The following NXPE2 variants were observed in gnomAD, a reference collection of about 807,000 sequenced individuals.
NXPE2 encodes NXPE family member 2.
A neutral mutation model predicts 34.4 loss-of-function variants in NXPE2; 34 were observed. The ratio of observed to expected loss-of-function variants is 0.99; its 90% CI spans 0.75 to 1.31. The LOEUF is 1.31. Ranked by LOEUF, NXPE2 falls within the 40% of genes most tolerant of loss-of-function variation. The pLI, the probability that NXPE2 is intolerant of heterozygous loss-of-function variation, is 0.00. For missense variants in NXPE2, 649 were observed against 672.5 expected (o/e 0.97, Z 0.39); for synonymous variants, 235 against 231.3 (o/e 1.02, Z -0.15).
chr11:114,718,323 C>T, the NXPE2 span, among the ~76,000 whole-genome samples: 1 of 152,098 alleles, frequency 6.6e-6, no homozygotes, highest in Non-Finnish European at 1.5e-5. Flanking sequence ...GTGAAATAAG[C>T]CTGGCGCATT....
At chr11:114,596,101 A>G in the NXPE2 span, among the ~76,000 whole-genome samples, 3 of 152,230 alleles carry the variant, frequency 2.0e-5, no homozygotes, top group Non-Finnish European at 2.9e-5. Context: ...TCTAGTTTCC[A>G]TCTAGCGTTA....
At chr11:114,520,739 C>T in the NXPE2 span, among the ~76,000 whole-genome samples, 1 of 152,050 alleles carries the variant, frequency 6.6e-6, no homozygotes, top group Admixed American at 6.6e-5. Context: ...ATGAGAGTTC[C>T]CTTTGTGTGT....
chr11:114,615,275 T>A, the NXPE2 span, among the ~76,000 whole-genome samples: 1 of 151,980 alleles, frequency 6.6e-6, no homozygotes, highest in Non-Finnish European at 1.5e-5. Flanking sequence ...TCCTTGTGGG[T>A]ATCCACTGTT....
chr11:114,689,663 A>G (rs1951114464), intron 2 of NXPE2, among the ~76,000 whole-genome samples: 1 of 152,026 alleles, frequency 6.6e-6, no homozygotes, highest in Non-Finnish European at 1.5e-5. Flanking sequence ...TTTCTGCCAC[A>G]GTGGTGTGTC....
At chr11:114,477,588 G>A in the NXPE2 span, among the ~76,000 whole-genome samples, 1 of 152,032 alleles carries the variant, frequency 6.6e-6, no homozygotes, top group Admixed American at 6.6e-5. Flanking sequence ...GAGTTCTGTG[G>A]GAGGAAAAGT....
chr11:114,727,893 C>A, the NXPE2 span, among the ~76,000 whole-genome samples: 2 of 151,604 alleles, frequency 1.3e-5, no homozygotes, highest in South Asian at 4.2e-4. Flanking sequence ...CAAATTACCA[C>A]AAATTAATGG....
At chr11:114,472,560 C>T in the NXPE2 span, among the ~76,000 whole-genome samples, 1,441 of 152,222 alleles carry the variant, frequency 9.5e-3, 72 homozygotes, top group Admixed American at 0.089. Context: ...GCTGCTATAA[C>T]AAAATAGCAT....
At chr11:114,592,485 C>T in the NXPE2 span, among the ~76,000 whole-genome samples, 2 of 151,642 alleles carry the variant, frequency 1.3e-5, no homozygotes, top group African/African-American at 2.4e-5. Flanking sequence ...ACAATGAAAA[C>T]TACAAAACAT....
chr11:114,739,333 TTCCTTCCC>T, the NXPE2 span, among the ~76,000 whole-genome samples: 16,841 of 60,224 alleles, frequency 0.28, 2,279 homozygotes, highest in East Asian at 0.43. Context: ...CCTTCCTTCC[TTCCTTCCC>T]CCCTTCCTCT....
the NXPE2 span, among the ~76,000 whole-genome samples, chr11:114,467,832 A>G: frequency 1.3e-5 from 2 of 152,042 alleles, no homozygotes; most frequent in African/African-American, 4.8e-5. Context: ...ACTACTTGGG[A>G]GGCTGAGGTT....
At chr11:114,490,271 G>A in the NXPE2 span, among the ~76,000 whole-genome samples, 1 of 152,136 alleles carries the variant, frequency 6.6e-6, no homozygotes, top group Admixed American at 6.5e-5. Flanking sequence ...CGTGAAAATG[G>A]CCATACTGCC....
the NXPE2 span, among the ~76,000 whole-genome samples, chr11:114,600,579 G>T: frequency 6.6e-6 from 1 of 152,032 alleles, no homozygotes; most frequent in South Asian, 2.1e-4. Flanking sequence ...TTTCTAAAGT[G>T]TCACAATCAT....
At chr11:114,579,800 A>T in the NXPE2 span, among the ~76,000 whole-genome samples, 1 of 152,156 alleles carries the variant, frequency 6.6e-6, no homozygotes, top group South Asian at 2.1e-4. Context: ...TCATACCCTT[A>T]ATCATTTTGC....
chr11:114,791,679 C>G, the NXPE2 span, among the ~76,000 whole-genome samples: 2 of 152,194 alleles, frequency 1.3e-5, no homozygotes, highest in Non-Finnish European at 2.9e-5. Flanking sequence ...AAGATGGGAA[C>G]AGCAGATGAG....
chr11:114,625,915 G>C, the NXPE2 span, among the ~76,000 whole-genome samples: 1 of 152,164 alleles, frequency 6.6e-6, no homozygotes, highest in African/African-American at 2.4e-5. Flanking sequence ...AGGGGTGACA[G>C]ACGGCACCTG....
chr11:114,731,835 A>G, the NXPE2 span, among the ~76,000 whole-genome samples: 1 of 152,238 alleles, frequency 6.6e-6, no homozygotes. Context: ...TTAACATTCT[A>G]GTTGTAAAAG....
the NXPE2 span, among the ~76,000 whole-genome samples, chr11:114,725,992 TAA>T: frequency 9.3e-5 from 13 of 140,032 alleles, no homozygotes; most frequent in East Asian, 4.2e-4. Context: ...TATATATATA[TAA>T]AAAGAAAAAG....
the NXPE2 span, among the ~76,000 whole-genome samples, chr11:114,515,743 AGT>A: frequency 8.5e-4 from 84 of 98,682 alleles, 6 homozygotes; most frequent in African/African-American, 4.5e-3. Context: ...GTGGTTAGAA[AGT>A]AAGTATGAAA....
At chr11:114,678,282 C>T (rs996778319), upstream of NXPE2, 6 of 266,018 alleles carry the variant, frequency 2.3e-5, no homozygotes, top group South Asian at 2.7e-4. Flanking sequence ...TCTATAAACA[C>T]GTAAAGCCTT....
Sources: allele counts gnomAD v4.1 joint callset (sites outside exome capture counted in the v4.1 genomes callset), GRCh38; gene constraint gnomAD v4.1.1; transcripts MANE v1.5; gene names NCBI Gene and HGNC (gene_info 2026-07-23, HGNC 2026-07-21).